Variants in TENT2 observed in about 807,000 individuals in gnomAD.
The protein encoded by TENT2 is terminal nucleotidyltransferase 2.
A neutral mutation model predicts 72.2 loss-of-function variants in TENT2; 44 were observed. The ratio of observed to expected loss-of-function variants is 0.61; its 90% CI spans 0.48 to 0.78. TENT2 has a LOEUF of 0.78. TENT2 is among the 30% of genes least tolerant of loss of function. TENT2 has a pLI of 0.00. For synonymous variants in TENT2, 212 were observed against 192.5 expected, an observed-to-expected ratio of 1.10 and a Z score of -0.84; for missense variants, 541 against 569.6, an observed-to-expected ratio of 0.95 and a Z score of 0.51.
chr5:79,684,204 C>T (rs1038869947), intron 14 of TENT2, among the ~76,000 whole-genome samples: 25 of 152,264 alleles, frequency 1.6e-4, no homozygotes, highest in African/African-American at 6.0e-4. Context: ...TTTTCTTCTC[C>T]TTATCAATTC....
intron 4 of TENT2, among the ~76,000 whole-genome samples, chr5:79,637,565 G>A (rs956388738): frequency 1.3e-5 from 2 of 151,840 alleles, no homozygotes; most frequent in Admixed American, 6.6e-5. Flanking sequence ...TAGCTGAGAC[G>A]ACAGGCACGC....
chr5:79,641,000 A>G, intron 5 of TENT2, 35 bp downstream of exon 5: 1 of 1,506,120 alleles, frequency 6.6e-7, no homozygotes, highest in Non-Finnish European at 9.0e-7. Flanking sequence ...CTTTAGGTAT[A>G]TGCATTCCTA....
In TENT2 at chr5:79,640,971, T is replaced by A. The variant is rs764416651; in HGVS notation, c.580+6T>A. On this transcript the variant is annotated splice_donor_region_variant and intron_variant, in intron 5 of 14. Transcript: ENST00000453514. Reference sequence around the variant, plus strand: ...AATTCAGCTGTTATTTCCACGTATGTTTCCCTATTTTGCATGTCCTTTAGG... The same window carrying A: ...AATTCAGCTGTTATTTCCACGTATGATTCCCTATTTTGCATGTCCTTTAGG... 1 of 1,593,462 alleles carries A rather than the reference T, an allele frequency of 6.3e-7. No individual in the cohort carries two copies. Among genetic ancestry groups the A allele is most frequent in the African/African-American group, 1.4e-5 (1 of 73,578 alleles).
At chr5:79,651,517 T>C (rs1310200218) in intron 10 of TENT2, among the ~76,000 whole-genome samples, 1 of 151,998 alleles carries the variant, frequency 6.6e-6, no homozygotes, top group Non-Finnish European at 1.5e-5. Context: ...AAAAAAGCAA[T>C]GATATAATCT....
intron 13 of TENT2, among the ~76,000 whole-genome samples, chr5:79,681,456 C>G (rs186353514): frequency 1.1e-3 from 162 of 152,176 alleles, no homozygotes; most frequent in Middle Eastern, 3.4e-3. Flanking sequence ...CTGTGTCTGG[C>G]CAGACTTCAC....
intron 4 of TENT2, among the ~76,000 whole-genome samples, chr5:79,625,149 A>G (rs746856102): frequency 6.6e-6 from 1 of 152,194 alleles, no homozygotes; most frequent in Non-Finnish European, 1.5e-5. Flanking sequence ...CCTAATGCCT[A>G]ATGATATTGA....
intron 11 of TENT2, among the ~76,000 whole-genome samples, chr5:79,658,315 C>G (rs1799373885): frequency 6.6e-6 from 1 of 151,326 alleles, no homozygotes; most frequent in African/African-American, 2.4e-5. Flanking sequence ...ATAGAGGTAA[C>G]TTGAACTTTT....
intron 4 of TENT2, among the ~76,000 whole-genome samples, chr5:79,633,976 A>G (rs1210270036): frequency 1.0e-3 from 130 of 126,714 alleles, no homozygotes; most frequent in Admixed American, 2.2e-3. Context: ...ACATGGTGAA[A>G]CCCCGTCTCT....
At chr5:79,613,348 A>G (rs560272174) in intron 1 of TENT2, among the ~76,000 whole-genome samples, 1 of 152,308 alleles carries the variant, frequency 6.6e-6, no homozygotes, top group South Asian at 2.1e-4. Flanking sequence ...GATATTTTTC[A>G]TTAGGGTGAA....
At chr5:79,663,564 G>GA (rs892819146) in intron 11 of TENT2, among the ~76,000 whole-genome samples, 3 of 152,128 alleles carry the variant, frequency 2.0e-5, no homozygotes, top group African/African-American at 7.2e-5. Flanking sequence ...AGAGATGGGG[G>GA]AATTGCCTGC....
intron 1 of TENT2, among the ~76,000 whole-genome samples, chr5:79,613,336 C>T (rs1311926722): frequency 1.3e-5 from 2 of 152,134 alleles, no homozygotes. Context: ...TTTAAAGTAG[C>T]AGATATTTTT....
chr5:79,681,833 A>G, intron 13 of TENT2, 149 bp from the exon 14 acceptor site: 1 of 581,234 alleles, frequency 1.7e-6, no homozygotes. Flanking sequence ...TGTATACATA[A>G]ATCTAATAAA....
intron 4 of TENT2, among the ~76,000 whole-genome samples, chr5:79,634,168 A>C (rs1029234302): frequency 1.3e-5 from 2 of 151,500 alleles, no homozygotes; most frequent in Non-Finnish European, 2.9e-5. Flanking sequence ...AAAAAAAAAA[A>C]AAAAACTTTC....
intron 11 of TENT2, among the ~76,000 whole-genome samples, chr5:79,659,553 A>ATAT (rs1311221056): frequency 3.4e-4 from 9 of 26,852 alleles, no homozygotes; most frequent in African/African-American, 2.0e-3. Context: ...AAAAAAAAAA[A>ATAT]ATGTATATAT....
Position 79,641,205 on chromosome 5 carries a change from G to T in TENT2, c.672+9G>T. The T allele has an allele frequency of 6.5e-7, 1 of 1,533,968 alleles. No individual in the cohort carries two copies. Among genetic ancestry groups the T allele is most frequent in the Non-Finnish European group, 8.7e-7 (1 of 1,147,442 alleles). ...TTGTTAAGGAAGAACCAGTAAGTAA[G>T]GAAACATTTATTCCAAGTGTGTTTC... On this transcript the variant is annotated intron_variant, in intron 6 of 14. Coordinates refer to ENST00000453514, the MANE Select transcript of TENT2 (RefSeq NM_001114394.3).
intron 1 of TENT2, chr5:79,617,423 A>G (rs994719161): frequency 1.3e-5 from 2 of 152,018 alleles, no homozygotes; most frequent in Non-Finnish European, 2.9e-5. Flanking sequence ...TTTATTTTTA[A>G]CTAGCTACTT....
chr5:79,621,744 C>T (rs1319417815), intron 3 of TENT2, among the ~76,000 whole-genome samples: 2 of 138,990 alleles, frequency 1.4e-5, no homozygotes, highest in South Asian at 2.2e-4. Context: ...GGCAACAGAG[C>T]GAGACTCTAT....
At chr5:79,629,744 G>C (rs921000169) in intron 4 of TENT2, among the ~76,000 whole-genome samples, 4 of 148,144 alleles carry the variant, frequency 2.7e-5, no homozygotes, top group Non-Finnish European at 4.5e-5. Context: ...GGAGAATGGC[G>C]TGAACCCAGG....
chr5:79,669,316 G>T (rs972252032), intron 12 of TENT2, among the ~76,000 whole-genome samples: 3 of 152,034 alleles, frequency 2.0e-5, no homozygotes, highest in African/African-American at 7.2e-5. Flanking sequence ...CCTATGTGTT[G>T]GTCCTGTGCA....
Sources: allele counts gnomAD v4.1 joint callset (sites outside exome capture counted in the v4.1 genomes callset), GRCh38; gene constraint gnomAD v4.1.1; transcripts MANE v1.5; gene names NCBI Gene and HGNC (gene_info 2026-07-23, HGNC 2026-07-21).